The following GGNBP2 variants were observed in gnomAD, a reference collection of about 807,000 sequenced individuals.
GGNBP2 encodes the protein gametogenetin binding protein 2.
Under a neutral mutation model 85.9 loss-of-function variants are expected in GGNBP2, and 10 were observed. That is an observed-to-expected ratio of 0.12 (90% confidence interval 0.07 to 0.20). The LOEUF (loss-of-function observed/expected upper bound fraction) is 0.20, where lower values mean the gene tolerates loss of function less well. Among genes scored for constraint, GGNBP2 ranks in the 10% least tolerant of loss-of-function variants. The pLI is 1.00. For synonymous variants in GGNBP2, 287 were observed against 285.7 expected (o/e 1.00, Z -0.05); for missense variants, 595 against 857.8 (o/e 0.69, Z 3.83).
intron 7 of GGNBP2, chr17:36,578,927 A>C (rs980959650): frequency 9.8e-6 from 2 of 203,816 alleles, no homozygotes; most frequent in Admixed American, 1.1e-4. Context: ...ATAATTGGAA[A>C]GTAAAAGGAA....
intron 2 of GGNBP2, among the ~76,000 whole-genome samples, chr17:36,551,681 TA>T (rs1460677852): frequency 1.3e-5 from 2 of 151,826 alleles, no homozygotes; most frequent in South Asian, 2.1e-4. Context: ...CTGTCTCTAC[TA>T]AAAATACAAA....
intron 7 of GGNBP2, 77 bp downstream of exon 7, chr17:36,578,263 C>A: frequency 9.2e-7 from 1 of 1,089,276 alleles, no homozygotes; most frequent in Non-Finnish European, 1.3e-6. Context: ...ATTTTCATCA[C>A]CTTCTGCCTC....
chr17:36,579,202 G>C lies in GGNBP2; in HGVS notation c.846-43G>C, dbSNP rs1223818028. ...GCAGCTGTGTTATCCATCTTTTACT[G>C]TTTCAGTTAAAGGTATTAGTGTGTG... is the stretch of plus-strand genomic sequence containing the variant. On this transcript the variant is annotated intron_variant, in intron 7 of 13. Coordinates refer to ENST00000613102, the MANE Select transcript of GGNBP2 (RefSeq NM_024835.5). 7 of 1,549,414 alleles carry C rather than the reference G, an allele frequency of 4.5e-6. No individual in the cohort carries two copies. In the South Asian group the frequency reaches 8.0e-5, roughly 18 times the overall value.
At position 36,545,833 on chromosome 17, in the gene GGNBP2, C is replaced by T; in HGVS notation, c.93+16C>T. Reference sequence around the variant, plus strand: ...CACCCTGACGGTGAGCGGGCCGGGCCGGGCTGGGCCCGCCGCTCCCCTGGC... The same window carrying T: ...CACCCTGACGGTGAGCGGGCCGGGCTGGGCTGGGCCCGCCGCTCCCCTGGC... On this transcript the variant is annotated intron_variant, in intron 2 of 13. Coordinates refer to ENST00000613102, the MANE Select transcript of GGNBP2 (RefSeq NM_024835.5). 6.6e-7 allele frequency: 1 copy of T among 1,510,644 alleles called. No homozygotes were observed. The highest frequency in any genetic ancestry group is 8.9e-7 in the Non-Finnish European group (1 of 1,118,190). The allele number at this position is 1,510,644 out of a possible 1,614,324, so 93.6% of individuals were successfully genotyped here. A position where few individuals can be genotyped will look rare whatever the true frequency, so the allele number is the denominator to read the frequency against.
intron 5 of GGNBP2, among the ~76,000 whole-genome samples, chr17:36,563,326 AG>A (rs1233445723): frequency 6.6e-6 from 1 of 152,152 alleles, no homozygotes; most frequent in African/African-American, 2.4e-5. Context: ...AACATAGAAA[AG>A]TAAAAAATAC....
intron 10 of GGNBP2, 59 bp downstream of exon 10, chr17:36,585,509 ATG>A: frequency 4.2e-6 from 5 of 1,177,586 alleles, no homozygotes; most frequent in Non-Finnish European, 6.1e-6. Context: ...TTACTGTTAA[ATG>A]TAAGAGCTTT....
chr17:36,587,396 T>C (rs899354476), intron 13 of GGNBP2, 151 bp downstream of exon 13: 16 of 828,490 alleles, frequency 1.9e-5, no homozygotes, highest in Non-Finnish European at 2.7e-5. Flanking sequence ...GGACTTCATT[T>C]CTGTCCTTCC....
intron 6 of GGNBP2, among the ~76,000 whole-genome samples, chr17:36,569,318 A>G (rs751304875): frequency 5.1e-4 from 77 of 151,914 alleles, no homozygotes; most frequent in Non-Finnish European, 9.9e-4. Flanking sequence ...AGACTGAGGC[A>G]GGTGAATTGC....
chr17:36,589,181 A>G, intron 13 of GGNBP2, 27 bp from the exon 14 acceptor site: 1 of 1,511,260 alleles, frequency 6.6e-7, no homozygotes, highest in Non-Finnish European at 9.2e-7. Flanking sequence ...CTTAAGTCAT[A>G]GTCTTAACTA....
chr17:36,575,627 TA>T (rs1555607587), intron 6 of GGNBP2, among the ~76,000 whole-genome samples: 28 of 44,554 alleles, frequency 6.3e-4, no homozygotes, highest in African/African-American at 2.3e-3. Flanking sequence ...TATATATATA[TA>T]TATATATATA....
At chr17:36,581,605 TGTG>T (rs2074651064) in intron 9 of GGNBP2, 67 bp downstream of exon 9, 2 of 1,218,810 alleles carry the variant, frequency 1.6e-6, no homozygotes, top group Non-Finnish European at 2.3e-6. Context: ...ACAGGCCAGG[TGTG>T]GTGGCTCACG....
intron 5 of GGNBP2, among the ~76,000 whole-genome samples, chr17:36,566,111 T>C (rs1297574647): frequency 6.6e-6 from 1 of 152,224 alleles, no homozygotes; most frequent in East Asian, 1.9e-4. Flanking sequence ...CAGAGGTTTT[T>C]CCGTCTCTGG....
At chr17:36,560,503 G>T (rs745351420) in intron 4 of GGNBP2, among the ~76,000 whole-genome samples, 15 of 152,008 alleles carry the variant, frequency 9.9e-5, no homozygotes, top group Non-Finnish European at 8.8e-5. Flanking sequence ...CTTTCACCTC[G>T]GCCTCCCAAA....
intron 2 of GGNBP2, among the ~76,000 whole-genome samples, chr17:36,554,352 A>ATTTTTTTTTTTTTTTTTTTTTTTTT (rs780217291): frequency 6.7e-5 from 3 of 44,482 alleles, no homozygotes; most frequent in Non-Finnish European, 1.1e-4. Context: ...ATGTACTTGA[A>ATTTTTTTTTTTTTTTTTTTTTTTTT]TTTTTTTTTT....
intron 3 of GGNBP2, 108 bp from the exon 4 acceptor site, chr17:36,556,975 C>T (rs2074368197): frequency 3.8e-6 from 5 of 1,327,396 alleles, no homozygotes; most frequent in Non-Finnish European, 4.2e-6. Flanking sequence ...AGCTGGTAAA[C>T]CCTGGCCAGG....
rs1244928249 is a variant in GGNBP2 at position 36,544,929 on chromosome 17, G to A, written c.-275G>A. ...CCGCCCTCCTTCTTCCACTCCCCGC[G>A]GCGCGAGCGGCTGACTGCCCGTAGA... On this transcript the variant is annotated 5_prime_UTR_variant, in exon 1 of 14. Transcript: ENST00000613102. 1 of 146,390 alleles carries A rather than the reference G, an allele frequency of 6.8e-6. No individual in the cohort carries two copies. The highest frequency in any genetic ancestry group is 6.7e-5 in the Admixed American group (1 of 14,848). 9.1% of individuals were successfully genotyped at this position (146,390 alleles called of 1,614,324 possible).
chr17:36,575,306 C>T, intron 6 of GGNBP2: 1 of 478,656 alleles, frequency 2.1e-6, no homozygotes, highest in Middle Eastern at 5.9e-4. Flanking sequence ...CCACCGGCTG[C>T]CACCAGCATC....
intron 6 of GGNBP2, among the ~76,000 whole-genome samples, chr17:36,572,164 T>C (rs2074532212): frequency 6.6e-6 from 1 of 152,244 alleles, no homozygotes; most frequent in Non-Finnish European, 1.5e-5. Flanking sequence ...TGCTTATAGT[T>C]GTACAATCAA....
chr17:36,556,509 T>A (rs1272643341), intron 3 of GGNBP2, among the ~76,000 whole-genome samples: 1 of 152,100 alleles, frequency 6.6e-6, no homozygotes, highest in Non-Finnish European at 1.5e-5. Flanking sequence ...ATCAAGACCA[T>A]CCTTGCCAAC....
Sources: allele counts gnomAD v4.1 joint callset (sites outside exome capture counted in the v4.1 genomes callset), GRCh38; gene constraint gnomAD v4.1.1; transcripts MANE v1.5; gene names NCBI Gene and HGNC (gene_info 2026-07-23, HGNC 2026-07-21).